Variants in CDH13 observed in about 807,000 individuals in gnomAD.
CDH13 encodes the protein cadherin 13, also known as cadherin-13.
Under a neutral mutation model 63.8 loss-of-function variants are expected in CDH13, and 24 were observed. The ratio of observed to expected loss-of-function variants is 0.38; its 90% CI spans 0.27 to 0.53. CDH13 has a LOEUF of 0.53. Among genes scored for constraint, CDH13 ranks in the 20% least tolerant of loss-of-function variants. The pLI is 0.85. For synonymous variants in CDH13, 503 were observed against 355.3 expected (o/e 1.42, Z -4.67); for missense variants, 1,049 against 903.1 (o/e 1.16, Z -2.07).
At chr16:83,738,179 A>G (rs1417839984) in intron 10 of CDH13, among the ~76,000 whole-genome samples, 4 of 152,200 alleles carry the variant, frequency 2.6e-5, no homozygotes. Flanking sequence ...GTAATTACTA[A>G]TTTATATCCT....
chr16:83,288,491 C>G (rs1176732065), intron 5 of CDH13, among the ~76,000 whole-genome samples: 1 of 152,150 alleles, frequency 6.6e-6, no homozygotes, highest in African/African-American at 2.4e-5. Flanking sequence ...GTCGCAGGAG[C>G]AAGTGCAGGG....
intron 10 of CDH13, among the ~76,000 whole-genome samples, chr16:83,703,996 C>A (rs1906635937): frequency 6.6e-6 from 1 of 152,184 alleles, no homozygotes; most frequent in Admixed American, 6.5e-5. Context: ...ATGAAAAAGG[C>A]TTTTTGCTTT....
At chr16:82,668,662 G>A (rs1367077578) in intron 1 of CDH13, among the ~76,000 whole-genome samples, 1 of 152,184 alleles carries the variant, frequency 6.6e-6, no homozygotes, top group Admixed American at 6.5e-5. Context: ...CTGGGAGTCT[G>A]TGTTTTGGCA....
At chr16:82,739,526 C>G (rs1312541974) in intron 1 of CDH13, among the ~76,000 whole-genome samples, 1 of 152,094 alleles carries the variant, frequency 6.6e-6, no homozygotes, top group African/African-American at 2.4e-5. Flanking sequence ...TCATTTAAAC[C>G]TACTTACTCT....
At chr16:83,428,302 G>GT (rs2071979265) in intron 6 of CDH13, among the ~76,000 whole-genome samples, 2 of 151,938 alleles carry the variant, frequency 1.3e-5, no homozygotes, top group South Asian at 2.1e-4. Context: ...CAAGAAATAT[G>GT]TTTTTTTGTT....
chr16:83,030,122 G>T (rs745773511), intron 2 of CDH13, among the ~76,000 whole-genome samples: 23 of 152,174 alleles, frequency 1.5e-4, no homozygotes, highest in African/African-American at 5.5e-4. Flanking sequence ...TCATGCAGGG[G>T]GCCCATCTTC....
chr16:83,064,088 G>A (rs953798000), intron 3 of CDH13, among the ~76,000 whole-genome samples: 6 of 152,052 alleles, frequency 3.9e-5, no homozygotes, highest in Admixed American at 2.0e-4. Flanking sequence ...AGTTAGATGA[G>A]GGCCAGGTGC....
chr16:82,837,491 G>A (rs1311944746), intron 1 of CDH13, among the ~76,000 whole-genome samples: 1 of 152,140 alleles, frequency 6.6e-6, no homozygotes, highest in Non-Finnish European at 1.5e-5. Flanking sequence ...GATCCCCAAG[G>A]AGGACTCATG....
rs1308160118 is a variant in CDH13 at position 83,486,417 on chromosome 16, G to A, written c.782-60G>A. The A allele has an allele frequency of 2.0e-6, 3 of 1,479,256 alleles. No individual in the cohort carries two copies. The African/African-American group carries it at 4.1e-5, about 20-fold the overall frequency. The allele number at this position is 1,479,256 out of a possible 1,614,324, so 91.6% of individuals were successfully genotyped here. ...CTGCTATTGCCCAGGTGGGGAAGGG[G>A]CTCTGGCCGTTGTTGACCCATTGAT... On this transcript the variant is annotated intron_variant, in intron 6 of 13. Coordinates refer to ENST00000567109, the MANE Select transcript of CDH13 (RefSeq NM_001257.5).
At chr16:83,026,159 C>A (rs4389131) in intron 2 of CDH13, among the ~76,000 whole-genome samples, 42,143 of 152,124 alleles carry the variant, frequency 0.28, 6,043 homozygotes, top group Admixed American at 0.3. Flanking sequence ...TGCAGTTGTT[C>A]TCAGTGTGAC....
chr16:83,052,318 C>T (rs541582105), intron 3 of CDH13, among the ~76,000 whole-genome samples: 7 of 152,224 alleles, frequency 4.6e-5, no homozygotes, highest in African/African-American at 1.7e-4. Context: ...AGCACACCAT[C>T]CTATAGAAAT....
At chr16:83,097,378 C>G (rs1213710525) in intron 3 of CDH13, among the ~76,000 whole-genome samples, 4 of 152,096 alleles carry the variant, frequency 2.6e-5, no homozygotes, top group Non-Finnish European at 5.9e-5. Flanking sequence ...GGGGTGCTGC[C>G]AAATATAACA....
At chr16:83,078,361 G>A (rs750782036) in intron 3 of CDH13, among the ~76,000 whole-genome samples, 3 of 152,208 alleles carry the variant, frequency 2.0e-5, no homozygotes, top group Non-Finnish European at 4.4e-5. Flanking sequence ...TGGTTTGGGG[G>A]TGAAAGTGTT....
At chr16:83,242,482 C>G (rs538833008) in intron 5 of CDH13, among the ~76,000 whole-genome samples, 294 of 152,194 alleles carry the variant, frequency 1.9e-3, no homozygotes, top group African/African-American at 6.7e-3. Context: ...AAACATAGGC[C>G]AAGTTTTTCT....
rs78050882 is a variant in CDH13, at chr16:83,472,362, A to G, written c.782-14115A>G. ...TTGCAACAAATGAAAACCAACCCAG[A>G]CTTTCTTTAACAAAGGGGAATTGAT... On this transcript the variant is annotated intron_variant, in intron 6 of 13. Transcript: ENST00000567109. Among the ~76,000 whole-genome samples the G allele has an allele frequency of 2.7e-3, 408 of 152,314 alleles. 2 individuals carry two copies. Among genetic ancestry groups the G allele is most frequent in the African/African-American group, 9.6e-3 (400 of 41,552 alleles).
intron 7 of CDH13, among the ~76,000 whole-genome samples, chr16:83,591,744 T>TGCC (rs1906774269): frequency 6.6e-6 from 1 of 152,238 alleles, no homozygotes; most frequent in Non-Finnish European, 1.5e-5. Flanking sequence ...TAGCACAGGC[T>TGCC]GCCTGCTGCC....
At chr16:83,583,529 C>A (rs150966291) in intron 7 of CDH13, among the ~76,000 whole-genome samples, 1 of 152,178 alleles carries the variant, frequency 6.6e-6, no homozygotes, top group Non-Finnish European at 1.5e-5. Context: ...ACATGGTCAA[C>A]GATGTATAGG....
At chr16:83,572,220 A>G (rs536581042) in intron 7 of CDH13, among the ~76,000 whole-genome samples, 2 of 106,006 alleles carry the variant, frequency 1.9e-5, no homozygotes, top group South Asian at 5.8e-4. Flanking sequence ...GAGTTTCACT[A>G]TTGTTGCCCA....
At chr16:83,792,101 T>C (rs200415812) in intron 13 of CDH13, among the ~76,000 whole-genome samples, 1 of 152,230 alleles carries the variant, frequency 6.6e-6, no homozygotes, top group East Asian at 1.9e-4. Flanking sequence ...TTTGTTCCTT[T>C]CTATTGCGAA....
Sources: allele counts gnomAD v4.1 joint callset (sites outside exome capture counted in the v4.1 genomes callset), GRCh38; gene constraint gnomAD v4.1.1; transcripts MANE v1.5; gene names NCBI Gene and HGNC (gene_info 2026-07-23, HGNC 2026-07-21).